Variants in ZNF569 observed in about 807,000 individuals in gnomAD.
ZNF569 encodes DNA-binding protein.
ZNF569 carries 38 observed loss-of-function variants against 56.3 expected under a neutral mutation model. The observed-to-expected ratio is 0.68, with a 90% CI of 0.52 to 0.88. ZNF569 has a LOEUF of 0.88. Ranked by LOEUF, ZNF569 falls within the 40% of genes least tolerant of loss-of-function variation. The pLI, the probability that ZNF569 is intolerant of heterozygous loss-of-function variation, is 0.00. For missense variants in ZNF569, 666 were observed against 809.2 expected, an observed-to-expected ratio of 0.82 and a Z score of 2.15; for synonymous variants, 241 against 262.9, an observed-to-expected ratio of 0.92 and a Z score of 0.81.
chr19:37,449,884 C>A (rs1317307487), intron 2 of ZNF569, among the ~76,000 whole-genome samples: 2 of 152,170 alleles, frequency 1.3e-5, no homozygotes, highest in African/African-American at 4.8e-5. Flanking sequence ...ACTGATACAG[C>A]TGGATTAAGA....
rs760789624 is a variant in ZNF569, at chr19:37,413,257, T to G, written c.1401A>C (p.Ile467=). 1 of 1,611,488 alleles carries G rather than the reference T, an allele frequency of 6.2e-7. No individual in the cohort carries two copies. Among genetic ancestry groups the G allele is most frequent in the Non-Finnish European group, 8.5e-7 (1 of 1,179,282 alleles). Residue 467 remains isoleucine (I), a synonymous_variant, in exon 6 of 6, where the codon ATA becomes ATC. Coordinates refer to ENST00000316950, the MANE Select transcript of ZNF569 (RefSeq NM_152484.3). ...QRIHTGEKPY[I]CKECGKAFSQ... ...TAAAGGCTTTCCCACATTCCTTACA[T>G]ATATAGGGTTTTTCCCCAGTATGAA...
chr19:37,447,208 T>C (rs1418737931), intron 2 of ZNF569, among the ~76,000 whole-genome samples: 1 of 152,194 alleles, frequency 6.6e-6, no homozygotes, highest in Non-Finnish European at 1.5e-5. Context: ...ACTAAAAGTA[T>C]ATCTGCCATT....
At chr19:37,442,392 G>A (rs1427407150) in intron 3 of ZNF569, among the ~76,000 whole-genome samples, 4 of 152,194 alleles carry the variant, frequency 2.6e-5, no homozygotes, top group Non-Finnish European at 5.9e-5. Flanking sequence ...TCTGCTCAAA[G>A]CGGGGAAAGG....
chr19:37,461,171 G>A (rs1315655929), intron 2 of ZNF569, among the ~76,000 whole-genome samples: 1 of 152,068 alleles, frequency 6.6e-6, no homozygotes, highest in African/African-American at 2.4e-5. Flanking sequence ...GCTAGTAAAC[G>A]AAGTAATGAC....
At chr19:37,449,690 A>T (rs2041560910) in intron 2 of ZNF569, among the ~76,000 whole-genome samples, 1 of 144,060 alleles carries the variant, frequency 6.9e-6, no homozygotes. Flanking sequence ...TTTTAATATC[A>T]TTTGCTTTTA....
chr19:37,429,986 A>C (rs2041198758), intron 3 of ZNF569, among the ~76,000 whole-genome samples: 1 of 152,210 alleles, frequency 6.6e-6, no homozygotes, highest in Admixed American at 6.5e-5. Flanking sequence ...TGAGGCTAGG[A>C]GTTCAAGATC....
intron 3 of ZNF569, among the ~76,000 whole-genome samples, chr19:37,432,880 G>A (rs1315622008): frequency 1.3e-4 from 19 of 149,554 alleles, no homozygotes; most frequent in Non-Finnish European, 1.5e-4. Context: ...AAAATGCAAC[G>A]GACAAACTAA....
intron 3 of ZNF569, among the ~76,000 whole-genome samples, chr19:37,433,174 C>T (rs924134895): frequency 6.6e-6 from 1 of 151,980 alleles, no homozygotes; most frequent in African/African-American, 2.4e-5. Flanking sequence ...GCTTTGGCCT[C>T]CCAAAATGCT....
At chr19:37,468,005 A>C (rs1480988951), upstream of ZNF569, 3 of 1,432,838 alleles carry the variant, frequency 2.1e-6, no homozygotes, top group Non-Finnish European at 2.8e-6. Context: ...CCTGACTTCT[A>C]AACAGACTTG....
chr19:37,449,860 T>C (rs985449993), intron 2 of ZNF569, among the ~76,000 whole-genome samples: 21 of 152,200 alleles, frequency 1.4e-4, no homozygotes, highest in Non-Finnish European at 3.1e-4. Context: ...TTCAGAATGA[T>C]ATTAAAATTG....
chr19:37,469,094 G>A (rs1038389684), upstream of ZNF569: 1 of 1,039,418 alleles, frequency 9.6e-7, no homozygotes, highest in Non-Finnish European at 1.2e-6. Flanking sequence ...TGTGACGCTG[G>A]GCCCCGTCCC....
intron 2 of ZNF569, among the ~76,000 whole-genome samples, chr19:37,456,945 G>A (rs2041680054): frequency 6.7e-6 from 1 of 148,508 alleles, no homozygotes; most frequent in Non-Finnish European, 1.5e-5. Context: ...TCCAGCCTGG[G>A]CAACAGAGGG....
chr19:37,419,867 G>A (rs943405116), intron 5 of ZNF569, among the ~76,000 whole-genome samples: 1 of 151,824 alleles, frequency 6.6e-6, no homozygotes, highest in African/African-American at 2.4e-5. Context: ...TCTTTTTGCT[G>A]ATAGGTGTCT....
chr19:37,428,378 C>T (rs1600305730), intron 3 of ZNF569, among the ~76,000 whole-genome samples: 2 of 150,882 alleles, frequency 1.3e-5, no homozygotes, highest in South Asian at 2.1e-4. Flanking sequence ...GAATGAATGC[C>T]GTGTATGGTG....
intron 3 of ZNF569, 37 bp from the exon 4 acceptor site, chr19:37,426,415 C>T: frequency 4.5e-6 from 7 of 1,542,482 alleles, no homozygotes; most frequent in Non-Finnish European, 6.1e-6. Context: ...TGAAGTCATC[C>T]ATCTTGGGTG....
chr19:37,438,684 G>A (rs1193010695), intron 3 of ZNF569, among the ~76,000 whole-genome samples: 1 of 152,126 alleles, frequency 6.6e-6, no homozygotes, highest in African/African-American at 2.4e-5. Context: ...TAGGATAATG[G>A]ACTGGGCAAA....
At chr19:37,452,435 T>G (rs2041610040) in intron 2 of ZNF569, among the ~76,000 whole-genome samples, 1 of 152,216 alleles carries the variant, frequency 6.6e-6, no homozygotes, top group Non-Finnish European at 1.5e-5. Context: ...TGTTTGGTGT[T>G]TTTTCATTTC....
chr19:37,432,615 A>C (rs748133606), intron 3 of ZNF569, among the ~76,000 whole-genome samples: 21 of 152,344 alleles, frequency 1.4e-4, no homozygotes, highest in Middle Eastern at 3.4e-3. Context: ...TTCACTGCCT[A>C]GACATCAACA....
At chr19:37,457,652 A>G (rs1370572415) in intron 2 of ZNF569, among the ~76,000 whole-genome samples, 1 of 138,806 alleles carries the variant, frequency 7.2e-6, no homozygotes, top group Non-Finnish European at 1.6e-5. Context: ...ACACTTGGAC[A>G]CAGGATGGGG....
Sources: allele counts gnomAD v4.1 joint callset (sites outside exome capture counted in the v4.1 genomes callset), GRCh38; gene constraint gnomAD v4.1.1; transcripts MANE v1.5; gene names NCBI Gene and HGNC (gene_info 2026-07-23, HGNC 2026-07-21).